HYCC1: variants seen among roughly 807,000 people sequenced by gnomAD.
HYCC1 encodes the protein hyccin.
At chr7:22,946,260 A>T in the HYCC1 span, 9 of 921,416 alleles carry the variant, frequency 9.8e-6, no homozygotes, top group Admixed American at 2.5e-5. Context: ...ACATAAATTA[A>T]GCTTTAGCAT....
chr7:22,978,512 A>G, the HYCC1 span: 3 of 1,324,386 alleles, frequency 2.3e-6, no homozygotes, highest in Non-Finnish European at 3.2e-6. Context: ...TACTATATGA[A>G]GTATAAAAGG....
chr7:22,935,183 G>C, the HYCC1 span: 1 of 152,202 alleles, frequency 6.6e-6, no homozygotes, highest in Non-Finnish European at 1.5e-5. Context: ...AAAGCTGCTT[G>C]TTGTTCTCAA....
chr7:23,000,849 C>T, the HYCC1 span, among the ~76,000 whole-genome samples: 33,297 of 151,620 alleles, frequency 0.22, 3,793 homozygotes, highest in East Asian at 0.36. Context: ...TGAAGACAGA[C>T]CTCGGAGGAC....
At chr7:22,908,777 CTT>C in the HYCC1 span, among the ~76,000 whole-genome samples, 291 of 152,276 alleles carry the variant, frequency 1.9e-3, 2 homozygotes, top group African/African-American at 6.4e-3. Context: ...ATAAGAATGA[CTT>C]TGTTTACCTG....
At chr7:22,977,597 T>G in the HYCC1 span, among the ~76,000 whole-genome samples, 1 of 152,206 alleles carries the variant, frequency 6.6e-6, no homozygotes, top group Non-Finnish European at 1.5e-5. Flanking sequence ...GTAGTTAAAC[T>G]GTACATCCTT....
At chr7:23,010,880 C>G in the HYCC1 span, among the ~76,000 whole-genome samples, 4 of 152,166 alleles carry the variant, frequency 2.6e-5, no homozygotes, top group Admixed American at 1.3e-4. Flanking sequence ...TATTTCAGTT[C>G]TCTTGAAAAG....
the HYCC1 span, among the ~76,000 whole-genome samples, chr7:22,905,386 ATTTTTTTTTTT>A: frequency 7.4e-4 from 33 of 44,470 alleles, no homozygotes; most frequent in African/African-American, 2.5e-3. Flanking sequence ...CTAATTTTGT[ATTTTTTTTTTT>A]TTTTTTTTTT....
chr7:22,989,268 A>G, the HYCC1 span, among the ~76,000 whole-genome samples: 188 of 151,374 alleles, frequency 1.2e-3, no homozygotes, highest in African/African-American at 4.4e-3. Context: ...TTAATCACAA[A>G]GATAACACAA....
the HYCC1 span, chr7:22,936,181 G>A: frequency 1.2e-4 from 18 of 151,964 alleles, no homozygotes; most frequent in Non-Finnish European, 2.4e-4. Flanking sequence ...CTTAAAGCCA[G>A]ATCCAGAGTA....
chr7:22,919,536 A>G, the HYCC1 span, among the ~76,000 whole-genome samples: 1 of 152,178 alleles, frequency 6.6e-6, no homozygotes, highest in East Asian at 1.9e-4. Context: ...CTCAAAAAAA[A>G]TTAGTAAAGG....
At chr7:22,925,047 C>T in the HYCC1 span, among the ~76,000 whole-genome samples, 24 of 152,190 alleles carry the variant, frequency 1.6e-4, no homozygotes, top group Non-Finnish European at 2.6e-4. Flanking sequence ...TCTGCAGCCA[C>T]CGCTGCTGAT....
the HYCC1 span, among the ~76,000 whole-genome samples, chr7:22,965,398 C>T: frequency 6.7e-6 from 1 of 149,196 alleles, no homozygotes; most frequent in East Asian, 1.9e-4. Context: ...CTAAACATGA[C>T]ACCAAAGGTA....
the HYCC1 span, among the ~76,000 whole-genome samples, chr7:22,925,472 C>T: frequency 6.6e-4 from 100 of 152,116 alleles, 1 homozygote; most frequent in Non-Finnish European, 1.2e-3. Context: ...ATAACCAATG[C>T]AGAGAAGTCC....
the HYCC1 span, among the ~76,000 whole-genome samples, chr7:22,908,655 C>T: frequency 1.3e-5 from 2 of 152,222 alleles, no homozygotes; most frequent in Non-Finnish European, 2.9e-5. Flanking sequence ...TCCAGTCAGA[C>T]TGGACTCCTT....
At chr7:22,975,197 T>A in the HYCC1 span, among the ~76,000 whole-genome samples, 36,763 of 132,302 alleles carry the variant, frequency 0.28, 5,154 homozygotes, top group Non-Finnish European at 0.36. Flanking sequence ...GAATAATCTG[T>A]CATTTTTGTT....
the HYCC1 span, among the ~76,000 whole-genome samples, chr7:22,921,582 G>A: frequency 2.6e-5 from 4 of 152,108 alleles, no homozygotes; most frequent in Non-Finnish European, 4.4e-5. Flanking sequence ...CTACATCTCA[G>A]TGGAATTAAG....
chr7:22,967,597 C>T, the HYCC1 span, among the ~76,000 whole-genome samples: 9 of 152,128 alleles, frequency 5.9e-5, no homozygotes, highest in African/African-American at 9.6e-5. Flanking sequence ...ATTGGTCTTC[C>T]GATAACATCA....
the HYCC1 span, among the ~76,000 whole-genome samples, chr7:22,904,018 C>T: frequency 0.63 from 95,972 of 152,010 alleles, 30,277 homozygotes; most frequent in Non-Finnish European, 0.65. Flanking sequence ...ATAAACATAC[C>T]ATAATATTCA....
chr7:22,991,160 A>G, the HYCC1 span: 15 of 1,470,906 alleles, frequency 1.0e-5, no homozygotes, highest in Non-Finnish European at 1.2e-5. Flanking sequence ...ACATAGAAAA[A>G]TGTTAACGTT....
Sources: allele counts gnomAD v4.1 joint callset (sites outside exome capture counted in the v4.1 genomes callset), GRCh38; gene constraint gnomAD v4.1.1; transcripts MANE v1.5; gene names NCBI Gene and HGNC (gene_info 2026-07-23, HGNC 2026-07-21).